The following VPS25 variants were observed in gnomAD, a reference collection of about 807,000 sequenced individuals.
VPS25 encodes the protein vacuolar protein-sorting-associated protein 25.
In VPS25, 21 loss-of-function variants were observed where a neutral mutation model predicts 30.3. The ratio of observed to expected loss-of-function variants is 0.69; its 90% CI spans 0.49 to 1.00. The LOEUF (loss-of-function observed/expected upper bound fraction) is 1.00. Among genes scored for constraint, VPS25 ranks in the 50% least tolerant of loss-of-function variants. VPS25 has a pLI of 0.00. For synonymous variants in VPS25, 101 were observed against 88.1 expected, an observed-to-expected ratio of 1.15 and a Z score of -0.82; for missense variants, 156 against 217.2, an observed-to-expected ratio of 0.72 and a Z score of 1.77.
chr17:42,774,860 CT>C, intron 3 of VPS25, 161 bp downstream of exon 3: 1 of 559,602 alleles, frequency 1.8e-6, no homozygotes, highest in South Asian at 3.0e-5. Flanking sequence ...GTCCTTTCTT[CT>C]TTGTACACAA....
At chr17:42,776,171 G>C in intron 4 of VPS25, 74 bp from the exon 5 acceptor site, 1 of 1,295,706 alleles carries the variant, frequency 7.7e-7, no homozygotes, top group East Asian at 2.3e-5. Context: ...GGATCAGAGG[G>C]GTGGAGCTGA....
intron 4 of VPS25, 55 bp downstream of exon 4, chr17:42,775,524 A>T: frequency 6.9e-7 from 1 of 1,440,936 alleles, no homozygotes; most frequent in South Asian, 1.2e-5. Flanking sequence ...AAGGTTAACT[A>T]TATTAGGGCC....
intron 5 of VPS25, among the ~76,000 whole-genome samples, chr17:42,778,173 T>C (rs1423317707): frequency 6.6e-6 from 1 of 151,966 alleles, no homozygotes; most frequent in Non-Finnish European, 1.5e-5. Flanking sequence ...CAGCTAGCCA[T>C]AGGCTCCCCA....
intron 2 of VPS25, 48 bp downstream of exon 2, chr17:42,773,926 G>T: frequency 6.3e-7 from 1 of 1,574,990 alleles, no homozygotes; most frequent in East Asian, 2.3e-5. Flanking sequence ...GCACTTCTGC[G>T]CTTTCACACA....
At chr17:42,774,405 CCT>C (rs1386371773) in intron 2 of VPS25, 2 of 314,696 alleles carry the variant, frequency 6.4e-6, no homozygotes, top group Non-Finnish European at 1.1e-5. Flanking sequence ...ACAGGGTCTT[CCT>C]CTCTTGCTCA....
chr17:42,774,756 C>G (rs2143962605), intron 3 of VPS25, 57 bp downstream of exon 3: 2 of 1,486,142 alleles, frequency 1.3e-6, no homozygotes, highest in Non-Finnish European at 1.9e-6. Flanking sequence ...TTCCTGAGGG[C>G]AAATTAGGAT....
At chr17:42,774,019 G>A (rs1210407298) in intron 2 of VPS25, 141 bp downstream of exon 2, 8 of 1,030,694 alleles carry the variant, frequency 7.8e-6, no homozygotes. Context: ...GAGTGAAAAT[G>A]TGTAGCTGAC....
chr17:42,776,353 T>TTTTTG (rs370422564), intron 5 of VPS25, 33 bp downstream of exon 5: 37 of 1,602,480 alleles, frequency 2.3e-5, no homozygotes, highest in Non-Finnish European at 3.1e-5. Flanking sequence ...CATAGTTAAT[T>TTTTTG]TTTTGTTTTG....
Position 42,774,883 on chromosome 17 carries a change from C to T in VPS25, c.253+184C>T, listed in dbSNP as rs193233991. ...TTCTTTGTACACAAAATTGAAATCTCTGTCTGTGCCCTAAACCTGAAGAGA... is the reference window on the plus strand; with the variant it reads ...TTCTTTGTACACAAAATTGAAATCTTTGTCTGTGCCCTAAACCTGAAGAGA... On this transcript the variant is annotated intron_variant, in intron 3 of 5. Transcript: ENST00000253794. The T allele has an allele frequency of 1.4e-3, 747 of 522,484 alleles. 7 individuals carry two copies. The highest frequency in any genetic ancestry group is 0.013 in the African/African-American group (678 of 53,192). The allele number at this position is 522,484 out of a possible 1,614,324, so 32.4% of individuals were successfully genotyped here.
intron 2 of VPS25, 37 bp from the exon 3 acceptor site, chr17:42,774,609 A>AACTCATGTGT: frequency 6.3e-7 from 1 of 1,599,270 alleles, no homozygotes; most frequent in South Asian, 1.1e-5. Context: ...TATCCTACCC[A>AACTCATGTGT]ACTCATGTGT....
chr17:42,778,018 G>A (rs1350077440), intron 5 of VPS25, among the ~76,000 whole-genome samples: 2 of 152,198 alleles, frequency 1.3e-5, no homozygotes, highest in East Asian at 3.9e-4. Flanking sequence ...CCACCACTCA[G>A]GTTGGGCAAA....
intron 2 of VPS25, 32 bp from the exon 3 acceptor site, chr17:42,774,614 A>C (rs1180353935): frequency 1.2e-6 from 2 of 1,603,750 alleles, no homozygotes; most frequent in African/African-American, 2.7e-5. Context: ...TACCCAACTC[A>C]TGTGTATGCC....
intron 2 of VPS25, chr17:42,774,374 T>TTC: frequency 6.4e-6 from 1 of 156,612 alleles, no homozygotes; most frequent in Non-Finnish European, 1.2e-5. Context: ...CTTTCTTTCT[T>TTC]TTTTTTTTTT....
intron 4 of VPS25, among the ~76,000 whole-genome samples, chr17:42,775,810 C>A (rs1366619013): frequency 6.6e-6 from 1 of 152,208 alleles, no homozygotes; most frequent in Non-Finnish European, 1.5e-5. Flanking sequence ...CCCTCCCCCA[C>A]TGCACTGTTA....
intron 1 of VPS25, 48 bp downstream of exon 1, chr17:42,773,576 C>T (rs1203745239): frequency 1.9e-6 from 3 of 1,613,898 alleles, no homozygotes; most frequent in Non-Finnish European, 2.5e-6. Flanking sequence ...CTCCCCTCCC[C>T]CGGACCCTGG....
chr17:42,778,296 G>A (rs911809509), intron 5 of VPS25, among the ~76,000 whole-genome samples: 1 of 152,002 alleles, frequency 6.6e-6, no homozygotes, highest in Non-Finnish European at 1.5e-5. Context: ...TGATTCTTCT[G>A]CCTCAGCCTC....
At chr17:42,774,048 C>A in intron 2 of VPS25, 170 bp downstream of exon 2, 1 of 736,424 alleles carries the variant, frequency 1.4e-6, no homozygotes, top group Non-Finnish European at 2.2e-6. Context: ...CTGGCAAATG[C>A]AGTACCATAC....
At position 42,776,304 on chromosome 17, in the gene VPS25, A is replaced by G; in HGVS notation, c.402A>G (p.Glu134=). 2 of 1,613,574 alleles carry G rather than the reference A, an allele frequency of 1.2e-6. No homozygotes were observed. Among genetic ancestry groups the G allele is most frequent in the Non-Finnish European group, 1.7e-6 (2 of 1,179,964 alleles). The change falls in exon 5 of 6, where the codon GAA becomes GAG. Residue 134 remains glutamate, a synonymous_variant. Transcript: ENST00000253794. ...CCCTGTATGAACTGACTAATGGGGA[A>G]GACACAGAGGATGAGGGTAATGCCT... is the stretch of plus-strand genomic sequence containing the variant. The part of the protein sequence containing the change: ...VFTLYELTNG[E]DTEDEEFHGL...
intron 5 of VPS25, among the ~76,000 whole-genome samples, chr17:42,777,495 CAG>C (rs762204093): frequency 1.2e-4 from 18 of 152,178 alleles, no homozygotes; most frequent in Non-Finnish European, 2.2e-4. Context: ...GTCTGGATGA[CAG>C]AGCGAGACTC....
Sources: allele counts gnomAD v4.1 joint callset (sites outside exome capture counted in the v4.1 genomes callset), GRCh38; gene constraint gnomAD v4.1.1; transcripts MANE v1.5; gene names NCBI Gene and HGNC (gene_info 2026-07-23, HGNC 2026-07-21).